Variants in KCNMA1 observed in about 807,000 individuals in gnomAD.
KCNMA1 encodes Calcium-activated potassium channel subunit alpha-1.
In KCNMA1, 29 loss-of-function variants were observed where a neutral mutation model predicts 140.0. The observed-to-expected ratio is 0.21, with a 90% CI of 0.15 to 0.28. The LOEUF (loss-of-function observed/expected upper bound fraction) is 0.28, where lower values mean the gene tolerates loss of function less well. Ranked by LOEUF, KCNMA1 falls within the 10% of genes least tolerant of loss-of-function variation. The pLI is 1.00. For synonymous variants in KCNMA1, 612 were observed against 611.9 expected (o/e 1.00, Z 0.00); for missense variants, 880 against 1,602.2 (o/e 0.55, Z 7.70).
At chr10:77,340,019 T>C (rs2090430513) in intron 2 of KCNMA1, among the ~76,000 whole-genome samples, 1 of 152,178 alleles carries the variant, frequency 6.6e-6, no homozygotes. Context: ...CTTCTACTTG[T>C]AGGAAAAACT....
intron 18 of KCNMA1, among the ~76,000 whole-genome samples, chr10:77,009,654 G>A (rs770033604): frequency 3.3e-5 from 5 of 152,204 alleles, no homozygotes; most frequent in Non-Finnish European, 5.9e-5. Context: ...CCCTGTCTCC[G>A]TCTCTAATCT....
chr10:77,085,801 C>A (rs934718705), intron 11 of KCNMA1, among the ~76,000 whole-genome samples: 4 of 152,168 alleles, frequency 2.6e-5, no homozygotes, highest in Admixed American at 2.0e-4. Context: ...TATTAATGTA[C>A]ACCCCCTGGC....
At chr10:77,207,316 A>C in intron 3 of KCNMA1, among the ~76,000 whole-genome samples, 1 of 152,192 alleles carries the variant, frequency 6.6e-6, no homozygotes, top group East Asian at 1.9e-4. Flanking sequence ...AACACATTGC[A>C]TAATTTAGAG....
intron 1 of KCNMA1, among the ~76,000 whole-genome samples, chr10:77,499,535 T>C (rs949626099): frequency 3.3e-5 from 5 of 151,722 alleles, no homozygotes; most frequent in African/African-American, 7.3e-5. Flanking sequence ...GATATCAGAT[T>C]ATCTATGAAA....
At chr10:77,267,595 C>T (rs920776150) in intron 2 of KCNMA1, among the ~76,000 whole-genome samples, 1 of 152,180 alleles carries the variant, frequency 6.6e-6, no homozygotes, top group African/African-American at 2.4e-5. Flanking sequence ...TCTTGGATCG[C>T]TGTGATGGCT....
At chr10:77,078,318 G>C (rs1434358486) in intron 13 of KCNMA1, among the ~76,000 whole-genome samples, 1 of 152,160 alleles carries the variant, frequency 6.6e-6, no homozygotes, top group Non-Finnish European at 1.5e-5. Context: ...AATGGAGAAA[G>C]GTGCCACCTT....
intron 3 of KCNMA1, among the ~76,000 whole-genome samples, chr10:77,215,103 G>A (rs1486112026): frequency 6.6e-6 from 1 of 151,986 alleles, no homozygotes. Context: ...TCTCCCTAGT[G>A]CAGCCCTTAG....
intron 2 of KCNMA1, among the ~76,000 whole-genome samples, chr10:77,392,075 C>A (rs979255589): frequency 1.4e-5 from 2 of 147,630 alleles, no homozygotes; most frequent in Admixed American, 6.8e-5. Context: ...CTCCAGGGGG[C>A]GCCAGCTTTC....
At chr10:77,154,550 A>C (rs1442846701) in intron 5 of KCNMA1, among the ~76,000 whole-genome samples, 1 of 152,194 alleles carries the variant, frequency 6.6e-6, no homozygotes, top group Non-Finnish European at 1.5e-5. Context: ...AATTCAGGCC[A>C]CTTAGTGAGT....
At chr10:77,251,035 C>G in intron 3 of KCNMA1, 160 bp downstream of exon 3, 2 of 672,278 alleles carry the variant, frequency 3.0e-6, no homozygotes, top group Non-Finnish European at 5.4e-6. Context: ...AACTTTCTTT[C>G]CCATTTAGAA....
intron 1 of KCNMA1, among the ~76,000 whole-genome samples, chr10:77,592,082 A>G (rs1050404878): frequency 2.6e-5 from 4 of 152,228 alleles, no homozygotes; most frequent in Admixed American, 6.5e-5. Context: ...AACGAGACCA[A>G]TGAGAATCCT....
At chr10:77,401,386 AC>A (rs1338285992) in intron 2 of KCNMA1, among the ~76,000 whole-genome samples, 2 of 151,984 alleles carry the variant, frequency 1.3e-5, no homozygotes, top group African/African-American at 4.8e-5. Flanking sequence ...CGATCTCCGG[AC>A]CTCGTGATCC....
intron 2 of KCNMA1, among the ~76,000 whole-genome samples, chr10:77,264,265 G>C (rs749803478): frequency 2.6e-5 from 4 of 152,114 alleles, no homozygotes; most frequent in Admixed American, 2.0e-4. Flanking sequence ...CTCTAGCACA[G>C]GGGACCTAGA....
At chr10:77,410,646 G>T (rs1199329783) in intron 1 of KCNMA1, among the ~76,000 whole-genome samples, 14 of 152,236 alleles carry the variant, frequency 9.2e-5, no homozygotes. Context: ...GACAAGTGAA[G>T]TCTTCACACC....
At chr10:77,160,197 C>A (rs1564896459) in intron 5 of KCNMA1, among the ~76,000 whole-genome samples, 4 of 152,178 alleles carry the variant, frequency 2.6e-5, no homozygotes. Flanking sequence ...TATAACCACG[C>A]ACTGAGGATC....
At chr10:76,963,562 C>T (rs1434953211) in intron 20 of KCNMA1, among the ~76,000 whole-genome samples, 1 of 152,128 alleles carries the variant, frequency 6.6e-6, no homozygotes, top group African/African-American at 2.4e-5. Flanking sequence ...CAAGAGGGTG[C>T]CTAGGGTGCA....
chr10:77,295,810 A>AAAAAAAAAAAAAAAAC (rs2074911269), intron 2 of KCNMA1, among the ~76,000 whole-genome samples: 1 of 149,198 alleles, frequency 6.7e-6, no homozygotes, highest in South Asian at 2.1e-4. Flanking sequence ...AAAAAAAAAA[A>AAAAAAAAAAAAAAAAC]AAAAAAACAG....
intron 1 of KCNMA1, among the ~76,000 whole-genome samples, chr10:77,585,800 C>G (rs1312706891): frequency 6.6e-6 from 1 of 152,100 alleles, no homozygotes; most frequent in Non-Finnish European, 1.5e-5. Context: ...ACTATATGCT[C>G]CTATCAGACC....
intron 3 of KCNMA1, among the ~76,000 whole-genome samples, chr10:77,205,939 A>C (rs2043965809): frequency 6.6e-6 from 1 of 152,228 alleles, no homozygotes; most frequent in South Asian, 2.1e-4. Context: ...ATAGTATAGA[A>C]GCAGTGATGT....
Sources: allele counts gnomAD v4.1 joint callset (sites outside exome capture counted in the v4.1 genomes callset), GRCh38; gene constraint gnomAD v4.1.1; transcripts MANE v1.5; gene names NCBI Gene and HGNC (gene_info 2026-07-23, HGNC 2026-07-21).